Variants in ATP1B1 observed in about 807,000 individuals in gnomAD.
ATP1B1 encodes sodium/potassium-transporting ATPase subunit beta-1.
A neutral mutation model predicts 39.6 loss-of-function variants in ATP1B1; 3 were observed. The observed-to-expected ratio is 0.08, with a 90% CI of 0.03 to 0.20. The LOEUF (loss-of-function observed/expected upper bound fraction) is 0.20. ATP1B1 is among the 10% of genes least tolerant of loss of function. The pLI, the probability that ATP1B1 is intolerant of heterozygous loss-of-function variation, is 1.00. For missense variants in ATP1B1, 216 were observed against 371.1 expected (o/e 0.58, Z 3.43); for synonymous variants, 139 against 135.0 (o/e 1.03, Z -0.20).
At position 169,110,722 on chromosome 1, in the gene ATP1B1, A is replaced by G. The variant is rs147240683; in HGVS notation, c.98-648A>G. Reference sequence around the variant, plus strand: ...TTAAAATGTGCTGGTCATTTTCACTATAGAATTTTCTTTTTTTCCCCTTGT... The same window carrying G: ...TTAAAATGTGCTGGTCATTTTCACTGTAGAATTTTCTTTTTTTCCCCTTGT... On this transcript the variant is annotated intron_variant, in intron 1 of 5. Transcript: ENST00000367815. 43 of 1,265,092 alleles carry G rather than the reference A, an allele frequency of 3.4e-5. No homozygotes were observed. The African/African-American group carries it at 5.1e-4, about 15-fold the overall frequency. The allele number at this position is 1,265,092 out of a possible 1,614,324, so 78.4% of individuals were successfully genotyped here.
intron 1 of ATP1B1, among the ~76,000 whole-genome samples, 183 bp downstream of exon 1, chr1:169,107,109 C>T (rs1657612078): frequency 6.6e-6 from 1 of 152,126 alleles, no homozygotes; most frequent in Non-Finnish European, 1.5e-5. Flanking sequence ...AATGCGGTGT[C>T]CCCAGAGTGG....
chr1:169,116,860 A>AG (rs1452829407), intron 2 of ATP1B1, among the ~76,000 whole-genome samples: 6 of 152,062 alleles, frequency 3.9e-5, no homozygotes, highest in Non-Finnish European at 7.4e-5. Flanking sequence ...TAAAAAAAAA[A>AG]AAACCAAAAA....
chr1:169,108,085 T>C (rs1448902887), intron 1 of ATP1B1: 1 of 146,146 alleles, frequency 6.8e-6, no homozygotes, highest in Non-Finnish European at 1.5e-5. Context: ...TATATGAATT[T>C]TTGTAAAGAA....
chr1:169,113,889 C>G (rs1462635006), intron 2 of ATP1B1, among the ~76,000 whole-genome samples: 1 of 152,200 alleles, frequency 6.6e-6, no homozygotes, highest in Non-Finnish European at 1.5e-5. Flanking sequence ...CTCTTCTTTT[C>G]CTCATCCCTT....
In ATP1B1 at chr1:169,106,853, G is replaced by A; in HGVS notation, c.24G>A (p.Glu8=). 1 of 1,584,816 alleles carries A rather than the reference G, an allele frequency of 6.3e-7. No homozygotes were observed. The highest frequency in any genetic ancestry group is 8.6e-7 in the Non-Finnish European group (1 of 1,168,112). Residue 8 remains glutamate, a synonymous_variant, in exon 1 of 6, where the codon GAG becomes GAA. Coordinates refer to ENST00000367815, the MANE Select transcript of ATP1B1 (RefSeq NM_001677.4). ...CCATGGCCCGCGGGAAAGCCAAGGAGGAGGGCAGCTGGAAGAAATTCATCT... is the reference window on the plus strand; with the variant it reads ...CCATGGCCCGCGGGAAAGCCAAGGAAGAGGGCAGCTGGAAGAAATTCATCT... MARGKAK[E]EGSWKKFIWN...
At chr1:169,123,573 ATATC>A (rs148796157) in intron 2 of ATP1B1, among the ~76,000 whole-genome samples, 23 of 46,844 alleles carry the variant, frequency 4.9e-4, no homozygotes, top group Middle Eastern at 0.012. Context: ...CAGTTAAACT[ATATC>A]TCTCTCTCTA....
At chr1:169,113,257 G>A (rs1408918588) in intron 2 of ATP1B1, among the ~76,000 whole-genome samples, 1 of 151,914 alleles carries the variant, frequency 6.6e-6, no homozygotes, top group South Asian at 2.1e-4. Flanking sequence ...GTAGAGACAA[G>A]GTTTCACCAT....
chr1:169,129,679 G>A (rs1347463091), intron 4 of ATP1B1, among the ~76,000 whole-genome samples: 2 of 152,168 alleles, frequency 1.3e-5, no homozygotes, highest in Non-Finnish European at 2.9e-5. Context: ...AGCAAATAAC[G>A]AGCATTATAT....
intron 2 of ATP1B1, among the ~76,000 whole-genome samples, chr1:169,111,826 A>G (rs1657737051): frequency 6.6e-6 from 1 of 152,120 alleles, no homozygotes; most frequent in Admixed American, 6.5e-5. Context: ...TTCATATTCT[A>G]GGGTTTGGTT....
intron 2 of ATP1B1, among the ~76,000 whole-genome samples, chr1:169,121,107 C>G (rs1227860825): frequency 6.6e-6 from 1 of 152,066 alleles, no homozygotes; most frequent in Admixed American, 6.5e-5. Flanking sequence ...GCTACTATGC[C>G]TGGCTAATTT....
At position 169,124,930 on chromosome 1, in the gene ATP1B1, T is replaced by C. The variant is rs958499891; in HGVS notation, c.273T>C (p.Arg91=). Residue 91 remains arginine, a synonymous_variant, in exon 3 of 6, where the codon CGT becomes CGC. Transcript: ENST00000367815. ...PQIQKTEISF[R]PNDPKSYEAY... is the part of the protein sequence containing the mutation. ...TCCAGAAGACTGAAATTTCCTTTCG[T>C]CCTAATGATCCCAAGAGCTATGAGG... The C allele has an allele frequency of 1.9e-6, 3 of 1,614,030 alleles. No homozygotes were observed. The highest frequency in any genetic ancestry group is 3.3e-5 in the Admixed American group (2 of 59,998).
At chr1:169,122,534 AT>A (rs1380200029) in intron 2 of ATP1B1, among the ~76,000 whole-genome samples, 1 of 152,112 alleles carries the variant, frequency 6.6e-6, no homozygotes, top group Non-Finnish European at 1.5e-5. Flanking sequence ...ATAGAAAAAG[AT>A]TGTTCAGGGT....
Position 169,132,041 on chromosome 1 carries a change from T to TTG in ATP1B1, c.*486_*487insTG. ...GTAATTTTTTTTTTTTTTTTTTTTT[T>TTG]GTTTTTTGGCTCTTTCAAAGGTAAT... On this transcript the variant is annotated 3_prime_UTR_variant, in exon 6 of 6. Transcript: ENST00000367815. 1 of 248,182 alleles carries TTG rather than the reference T, an allele frequency of 4.0e-6. No individual in the cohort carries two copies. The allele number at this position is 248,182 out of a possible 1,614,324, so 15.4% of individuals were successfully genotyped here. A position where few individuals can be genotyped will look rare whatever the true frequency, so the allele number is the denominator to read the frequency against.
intron 2 of ATP1B1, among the ~76,000 whole-genome samples, chr1:169,118,978 A>G (rs1162545927): frequency 1.3e-5 from 2 of 152,244 alleles, no homozygotes; most frequent in Non-Finnish European, 2.9e-5. Flanking sequence ...TAGTTTAAAT[A>G]CTTTAAACTC....
rs144750047 is a variant in ATP1B1 at position 169,106,829 on chromosome 1, C to A, written c.-1C>A. The A allele has an allele frequency of 4.8e-4, 756 of 1,578,024 alleles. 3 individuals are homozygous for A. In the African/African-American group the frequency reaches 9.2e-3, roughly 19 times the overall value. On this transcript the variant is annotated 5_prime_UTR_variant, in exon 1 of 6. Coordinates refer to ENST00000367815, the MANE Select transcript of ATP1B1 (RefSeq NM_001677.4). Reference sequence around the variant, plus strand: ...GCGGCAGCTGCTGACCCGCCATCGCCATGGCCCGCGGGAAAGCCAAGGAGG... The same window carrying A: ...GCGGCAGCTGCTGACCCGCCATCGCAATGGCCCGCGGGAAAGCCAAGGAGG...
intron 2 of ATP1B1, among the ~76,000 whole-genome samples, chr1:169,122,149 GTCTC>G (rs765591681): frequency 6.6e-6 from 1 of 152,106 alleles, no homozygotes; most frequent in African/African-American, 2.4e-5. Flanking sequence ...ACAGGCATTT[GTCTC>G]TCTCTCTGGC....
intron 5 of ATP1B1, among the ~76,000 whole-genome samples, chr1:169,130,625 A>G (rs1370693183): frequency 6.6e-6 from 1 of 151,952 alleles, no homozygotes; most frequent in East Asian, 1.9e-4. Flanking sequence ...TGTCTCTACT[A>G]CACATACAAA....
At chr1:169,118,068 T>C (rs1428687443) in intron 2 of ATP1B1, among the ~76,000 whole-genome samples, 2 of 152,216 alleles carry the variant, frequency 1.3e-5, no homozygotes, top group East Asian at 3.8e-4. Flanking sequence ...TCCTTTATTG[T>C]ATTGAGAATA....
rs941415994 is a variant in ATP1B1 at position 169,120,302 on chromosome 1, G to T, written c.227-4582G>T. 3.9e-5 allele frequency among the ~76,000 whole-genome samples: 6 copies of T among 152,174 alleles called. No individual in the cohort carries two copies. In the East Asian group the frequency reaches 1.2e-3, roughly 29 times the overall value. On this transcript the variant is annotated intron_variant, in intron 2 of 5. Transcript: ENST00000367815. Reference sequence around the variant, plus strand: ...TGCATGACCTAAACCCAGACCATCTGTTTTTTTACTGGAAATGACGTTTGG... The same window carrying T: ...TGCATGACCTAAACCCAGACCATCTTTTTTTTTACTGGAAATGACGTTTGG...
Sources: allele counts gnomAD v4.1 joint callset (sites outside exome capture counted in the v4.1 genomes callset), GRCh38; gene constraint gnomAD v4.1.1; transcripts MANE v1.5; gene names NCBI Gene and HGNC (gene_info 2026-07-23, HGNC 2026-07-21).